The following HIPK3 variants were observed in gnomAD, a reference collection of about 807,000 sequenced individuals.
HIPK3 encodes the protein homeodomain interacting protein kinase 3.
In HIPK3, 47 loss-of-function variants were observed where a neutral mutation model predicts 124.2. The ratio of observed to expected loss-of-function variants is 0.38; its 90% CI spans 0.30 to 0.48. The LOEUF is 0.48. Among genes scored for constraint, HIPK3 ranks in the 20% least tolerant of loss-of-function variants. HIPK3 has a pLI of 0.98. For synonymous variants in HIPK3, 482 were observed against 515.2 expected, an observed-to-expected ratio of 0.94 and a Z score of 0.87; for missense variants, 1,286 against 1,454.3, an observed-to-expected ratio of 0.88 and a Z score of 1.88.
chr11:33,340,795 C>A (rs923265165), intron 6 of HIPK3, among the ~76,000 whole-genome samples, 173 bp from the exon 7 acceptor site: 1 of 152,258 alleles, frequency 6.6e-6, no homozygotes, highest in Non-Finnish European at 1.5e-5. Context: ...TGCTCTGAAA[C>A]TTAATCTTTT....
At chr11:33,275,825 T>A (rs1851256050) in intron 1 of HIPK3, among the ~76,000 whole-genome samples, 1 of 152,210 alleles carries the variant, frequency 6.6e-6, no homozygotes, top group Non-Finnish European at 1.5e-5. Context: ...ATGAAGAAAT[T>A]TGCCCTCACT....
intron 6 of HIPK3, 69 bp downstream of exon 6, chr11:33,339,603 G>C: frequency 6.1e-6 from 7 of 1,143,382 alleles, no homozygotes; most frequent in Non-Finnish European, 7.5e-6. Flanking sequence ...GACTGCATCA[G>C]AGAAATTACT....
Position 33,257,518 on chromosome 11 carries a change from G to GCCGTGGGCCCCGCACCCTGCGTCGC in HIPK3, c.-369_-345dup. 1.0e-6 allele frequency: 1 copy of GCCGTGGGCCCCGCACCCTGCGTCGC among 985,624 alleles called. No individual in the cohort carries two copies. The highest frequency in any genetic ancestry group is 1.2e-6 in the Non-Finnish European group (1 of 830,188). 61.1% of individuals were successfully genotyped at this position (985,624 alleles called of 1,614,324 possible). On this transcript the variant is annotated 5_prime_UTR_variant, in exon 1 of 17. The change abolishes the stop of an existing upstream ORF in the 5' untranslated region. Coordinates refer to ENST00000303296, the MANE Select transcript of HIPK3 (RefSeq NM_005734.5). ...GGGGCGTCAGGAATGGGCCCCAATC[G>GCCGTGGGCCCCGCACCCTGCGTCGC]CCGTGGGCCCCGCACCCTGCGTCGC...
chr11:33,329,910 G>A (rs1483107891), intron 3 of HIPK3, among the ~76,000 whole-genome samples: 6 of 152,112 alleles, frequency 3.9e-5, no homozygotes, highest in Non-Finnish European at 7.4e-5. Context: ...CATGCATACC[G>A]CCCTGGAGCA....
At chr11:33,317,318 T>C (rs1405397271) in intron 2 of HIPK3, among the ~76,000 whole-genome samples, 1 of 135,976 alleles carries the variant, frequency 7.4e-6, no homozygotes, top group Non-Finnish European at 1.5e-5. Flanking sequence ...TTGCCCAGGC[T>C]GCAGTTCAGT....
intron 1 of HIPK3, among the ~76,000 whole-genome samples, chr11:33,263,570 C>T (rs1850880395): frequency 6.6e-6 from 1 of 152,166 alleles, no homozygotes; most frequent in Non-Finnish European, 1.5e-5. Flanking sequence ...CCCACCTTGG[C>T]CTCCCAAAGT....
chr11:33,286,039 T>A (rs140581672), intron 1 of HIPK3, among the ~76,000 whole-genome samples: 28 of 152,294 alleles, frequency 1.8e-4, no homozygotes, highest in Admixed American at 1.8e-3. Context: ...CCTCTCAAAG[T>A]GCTAGGATTA....
chr11:33,288,565 T>C (rs2133904645), intron 2 of HIPK3, among the ~76,000 whole-genome samples: 1 of 152,340 alleles, frequency 6.6e-6, no homozygotes, highest in Admixed American at 6.5e-5. Context: ...CTATGGGTAA[T>C]GCTATTTTGG....
chr11:33,349,924 C>G (rs1853608374), intron 14 of HIPK3, among the ~76,000 whole-genome samples: 1 of 152,082 alleles, frequency 6.6e-6, no homozygotes, highest in African/African-American at 2.4e-5. Flanking sequence ...CCTGCCACCA[C>G]ACCTGGCTAA....
At chr11:33,351,914 C>A in intron 15 of HIPK3, 71 bp downstream of exon 15, 1 of 1,289,876 alleles carries the variant, frequency 7.8e-7, no homozygotes, top group Non-Finnish European at 1.1e-6. Context: ...TCTGAGAATG[C>A]AGTTGCCAAA....
chr11:33,329,321 A>G (rs1416524712), intron 3 of HIPK3, among the ~76,000 whole-genome samples: 1 of 152,230 alleles, frequency 6.6e-6, no homozygotes, highest in East Asian at 1.9e-4. Context: ...TACTCAACTC[A>G]TTCTAATAGA....
At chr11:33,262,586 A>G (rs1850853346) in intron 1 of HIPK3, among the ~76,000 whole-genome samples, 1 of 152,156 alleles carries the variant, frequency 6.6e-6, no homozygotes, top group Admixed American at 6.5e-5. Context: ...TTAGGACAGC[A>G]TTTGTGGTTT....
upstream of HIPK3, chr11:33,257,262 C>CCGGAG (rs768962515): frequency 2.4e-4 from 232 of 983,340 alleles, no homozygotes; most frequent in South Asian, 6.6e-4. Context: ...GGCGCCGCGG[C>CCGGAG]CGGAGCGGAG....
chr11:33,268,084 G>A (rs545674025), intron 1 of HIPK3, among the ~76,000 whole-genome samples: 3 of 152,054 alleles, frequency 2.0e-5, no homozygotes, highest in East Asian at 3.9e-4. Context: ...GGTGGTGGGC[G>A]CCTGTAATCT....
chr11:33,312,303 A>T (rs1329458753), intron 2 of HIPK3, among the ~76,000 whole-genome samples: 3 of 152,044 alleles, frequency 2.0e-5, no homozygotes, highest in Non-Finnish European at 4.4e-5. Flanking sequence ...ATTTGTTGGG[A>T]TTACTGGTTT....
In HIPK3 at chr11:33,257,439, G is replaced by GCAGGCCC; in HGVS notation, c.-451_-445dup. The stretch of plus-strand genomic sequence containing the variant: ...CGCGGCGACCTGAGGAGATCAAGCC[G>GCAGGCCC]CAGGCCCCGCCGTCGCCACCACTCC... On this transcript the variant is annotated 5_prime_UTR_variant, in exon 1 of 17. Transcript: ENST00000303296. 3.0e-6 allele frequency: 3 copies of GCAGGCCC among 985,544 alleles called. No individual in the cohort carries two copies. The highest frequency in any genetic ancestry group is 3.6e-6 in the Non-Finnish European group (3 of 830,126). 61.0% of individuals were successfully genotyped at this position (985,544 alleles called of 1,614,324 possible).
In HIPK3 at chr11:33,347,909, C is replaced by G; in HGVS notation, c.2202C>G (p.Thr734=). Residue 734 remains threonine, a synonymous_variant, in exon 11 of 17, where the codon ACC becomes ACG. Coordinates refer to ENST00000303296, the MANE Select transcript of HIPK3 (RefSeq NM_005734.5). ...YNSVMPQPLL[T]NQITLSAPQP... ...CAGTGATGCCGCAGCCTCTTCTGAC[C>G]AATCAGATAACTTTATCTGCCCCTC... 2 of 1,614,162 alleles carry G rather than the reference C, an allele frequency of 1.2e-6. No individual in the cohort carries two copies. Among genetic ancestry groups the G allele is most frequent in the Non-Finnish European group, 1.7e-6 (2 of 1,180,000 alleles).
intron 6 of HIPK3, 129 bp from the exon 7 acceptor site, chr11:33,340,839 A>G (rs2133986425): frequency 1.9e-6 from 1 of 518,362 alleles, no homozygotes; most frequent in East Asian, 3.2e-5. Flanking sequence ...TACTATTGGA[A>G]ATAAGCAGAT....
At chr11:33,263,590 A>G (rs903808860) in intron 1 of HIPK3, among the ~76,000 whole-genome samples, 1 of 152,176 alleles carries the variant, frequency 6.6e-6, no homozygotes, top group African/African-American at 2.4e-5. Context: ...TGCTGGGATT[A>G]CAGTAAGCCA....
Sources: gnomAD v4.1 joint callset for allele counts (sites outside exome capture counted in the v4.1 genomes callset) on GRCh38, gnomAD v4.1.1 for gene constraint, MANE v1.5 for transcripts, NCBI Gene and HGNC (gene_info 2026-07-23, HGNC 2026-07-21) for gene names.